Variants in SPIDR observed in about 807,000 individuals in gnomAD.
SPIDR encodes scaffold protein involved in DNA repair.
In SPIDR, 93 loss-of-function variants were observed where a neutral mutation model predicts 104.6. The observed-to-expected ratio is 0.89, with a 90% CI of 0.75 to 1.06. The LOEUF is 1.06. SPIDR is among the 50% of genes least tolerant of loss of function. The pLI is 0.00. For missense variants in SPIDR, 1,154 were observed against 1,111.2 expected (o/e 1.04, Z -0.55); for synonymous variants, 431 against 416.9 (o/e 1.03, Z -0.41).
At chr8:47,715,486 C>T (rs1237609647) in intron 16 of SPIDR, among the ~76,000 whole-genome samples, 2 of 152,120 alleles carry the variant, frequency 1.3e-5, no homozygotes, top group African/African-American at 2.4e-5. Context: ...CTATTCTGGA[C>T]ACTTCATGTT....
At chr8:47,307,875 G>C (rs2043375746) in intron 5 of SPIDR, among the ~76,000 whole-genome samples, 1 of 152,008 alleles carries the variant, frequency 6.6e-6, no homozygotes, top group Non-Finnish European at 1.5e-5. Context: ...TTGTCATAAA[G>C]TCTTTCTCTG....
At chr8:47,473,570 T>C (rs2075967720) in intron 8 of SPIDR, among the ~76,000 whole-genome samples, 1 of 152,224 alleles carries the variant, frequency 6.6e-6, no homozygotes, top group Non-Finnish European at 1.5e-5. Context: ...ACGCTGGACA[T>C]ACTTGGTCCC....
chr8:47,605,028 G>A (rs1362255483), intron 10 of SPIDR, among the ~76,000 whole-genome samples: 1 of 152,228 alleles, frequency 6.6e-6, no homozygotes, highest in Non-Finnish European at 1.5e-5. Context: ...AGGCAGCAGT[G>A]TCCTGTCACA....
At chr8:47,317,999 C>G (rs1321823188) in intron 5 of SPIDR, among the ~76,000 whole-genome samples, 16 of 152,120 alleles carry the variant, frequency 1.1e-4, no homozygotes, top group African/African-American at 3.6e-4. Context: ...GGAGAAAAAA[C>G]AGAGCAGAAA....
chr8:47,616,935 A>T (rs1419300654), intron 10 of SPIDR, among the ~76,000 whole-genome samples: 1 of 152,172 alleles, frequency 6.6e-6, no homozygotes, highest in Non-Finnish European at 1.5e-5. Context: ...ATGTCTCCTT[A>T]GGCTCCTGTA....
chr8:47,732,778 G>A (rs1296239741), intron 19 of SPIDR: 1 of 152,786 alleles, frequency 6.5e-6, no homozygotes, highest in Non-Finnish European at 1.5e-5. Context: ...CCATTCCCTG[G>A]GGCAAATGTA....
At chr8:47,338,822 C>T (rs940598869) in intron 5 of SPIDR, among the ~76,000 whole-genome samples, 1 of 152,136 alleles carries the variant, frequency 6.6e-6, no homozygotes, top group South Asian at 2.1e-4. Flanking sequence ...TCCACGTATC[C>T]TAAGGGTAGT....
At chr8:47,360,244 CAAAAAAA>C (rs1186187617) in intron 5 of SPIDR, among the ~76,000 whole-genome samples, 15 of 38,962 alleles carry the variant, frequency 3.8e-4, no homozygotes, top group African/African-American at 1.1e-3. Flanking sequence ...GACTCCATCT[CAAAAAAA>C]AAAAAAAAAA....
At chr8:47,480,610 T>C (rs1265812317) in intron 8 of SPIDR, among the ~76,000 whole-genome samples, 1 of 152,238 alleles carries the variant, frequency 6.6e-6, no homozygotes, top group African/African-American at 2.4e-5. Flanking sequence ...ACTGAAAGTG[T>C]ACAATCTGGG....
chr8:47,666,926 T>G (rs1403605691), intron 10 of SPIDR, among the ~76,000 whole-genome samples: 1 of 152,126 alleles, frequency 6.6e-6, no homozygotes, highest in Non-Finnish European at 1.5e-5. Context: ...ATATTAAAAT[T>G]TATGTGATGT....
chr8:47,556,775 T>A (rs2091376871), intron 8 of SPIDR, among the ~76,000 whole-genome samples: 1 of 152,078 alleles, frequency 6.6e-6, no homozygotes, highest in Non-Finnish European at 1.5e-5. Context: ...GATAATTTTT[T>A]AAATTTTTGA....
chr8:47,484,723 T>C (rs782116405), intron 8 of SPIDR, among the ~76,000 whole-genome samples: 1 of 152,222 alleles, frequency 6.6e-6, no homozygotes, highest in Non-Finnish European at 1.5e-5. Context: ...AAAGACATCA[T>C]TGGGACCAGT....
intron 8 of SPIDR, among the ~76,000 whole-genome samples, chr8:47,517,013 A>G (rs889459706): frequency 6.6e-6 from 1 of 152,086 alleles, no homozygotes; most frequent in African/African-American, 2.4e-5. Flanking sequence ...GCATTTCCCT[A>G]ATGACTTGTC....
At chr8:47,641,506 C>T (rs1052483275) in intron 10 of SPIDR, among the ~76,000 whole-genome samples, 1 of 152,144 alleles carries the variant, frequency 6.6e-6, no homozygotes, top group Non-Finnish European at 1.5e-5. Flanking sequence ...ATAGATGAGA[C>T]GTTTTAAAAC....
intron 8 of SPIDR, among the ~76,000 whole-genome samples, chr8:47,570,558 G>A (rs1447699156): frequency 6.6e-6 from 1 of 152,036 alleles, no homozygotes; most frequent in Non-Finnish European, 1.5e-5. Context: ...AAAAAATATT[G>A]CACATCATCA....
chr8:47,645,346 C>T (rs1000845054), intron 10 of SPIDR, among the ~76,000 whole-genome samples: 1 of 151,952 alleles, frequency 6.6e-6, no homozygotes, highest in Admixed American at 6.6e-5. Context: ...AGTGGGGGCT[C>T]AAGGATGACT....
Position 47,363,181 on chromosome 8 carries a change from G to GT in SPIDR, c.526-33188dup, listed in dbSNP as rs1256629508. ...ATTAAAAGGTATAGAAATTAAAGCT[G>GT]TTTTTTTCTTTATCTCTCTTTTTTT... is the stretch of plus-strand genomic sequence containing the variant. On this transcript the variant is annotated intron_variant, in intron 5 of 19. Transcript: ENST00000297423. Among the ~76,000 whole-genome samples, 5 of 127,486 alleles carry GT rather than the reference G, an allele frequency of 3.9e-5. No individual in the cohort carries two copies. The South Asian group carries it at 8.5e-4, about 22-fold the overall frequency. The allele number at this position is 127,486 out of a possible 152,430, so 83.6% of individuals were successfully genotyped here. A position where few individuals can be genotyped will look rare whatever the true frequency, so the allele number is the denominator to read the frequency against.
intron 10 of SPIDR, among the ~76,000 whole-genome samples, chr8:47,617,758 AGCCAC>A (rs1223624689): frequency 6.6e-6 from 1 of 152,256 alleles, no homozygotes; most frequent in Non-Finnish European, 1.5e-5. Context: ...TATGAATAAA[AGCCAC>A]CTCCATAATA....
intron 8 of SPIDR, among the ~76,000 whole-genome samples, chr8:47,460,382 A>C (rs1028390128): frequency 1.3e-5 from 2 of 152,032 alleles, no homozygotes; most frequent in Non-Finnish European, 2.9e-5. Flanking sequence ...CTTTTATATT[A>C]GGTTGGTGCA....
Sources: gnomAD v4.1 joint callset for allele counts (sites outside exome capture counted in the v4.1 genomes callset) on GRCh38, gnomAD v4.1.1 for gene constraint, MANE v1.5 for transcripts, NCBI Gene and HGNC (gene_info 2026-07-23, HGNC 2026-07-21) for gene names.